The following AHNAK2 variants were observed in gnomAD, a reference collection of about 807,000 sequenced individuals.
The protein encoded by AHNAK2 is AHNAK nucleoprotein 2.
A neutral mutation model predicts 30.7 loss-of-function variants in AHNAK2; 18 were observed. The observed-to-expected ratio is 0.59, with a 90% CI of 0.41 to 0.87. The LOEUF (loss-of-function observed/expected upper bound fraction) is 0.87, where lower values mean the gene tolerates loss of function less well. Ranked by LOEUF, AHNAK2 falls within the 40% of genes least tolerant of loss-of-function variation. The pLI, the probability that AHNAK2 is intolerant of heterozygous loss-of-function variation, is 0.00. For missense variants in AHNAK2, 8,604 were observed against 7,373.0 expected, an observed-to-expected ratio of 1.17 and a Z score of -6.11; for synonymous variants, 3,590 against 3,073.8, an observed-to-expected ratio of 1.17 and a Z score of -5.56.
rs563164076 is a variant in AHNAK2 at position 104,949,245 on chromosome 14, C to T, written c.6206G>A (p.Gly2069Glu). Residue 2069 changes from glycine (G) to glutamate (E), a missense_variant, in exon 7 of 7, where the codon GGG becomes GAG. Transcript: ENST00000333244. ...GHVPEGAGLK[G>E]HLPKVEMPSL... ...GGGCATCTCCACCTTGGGCAGGTGC[C>T]CTTTGAGGCCAGCTCCCTCGGGCAC... 8 of 1,068,954 alleles carry T rather than the reference C, an allele frequency of 7.5e-6. 1 individual carries two copies. Among genetic ancestry groups the T allele is most frequent in the African/African-American group, 5.7e-5 (4 of 70,316 alleles). 66.2% of individuals were successfully genotyped at this position (1,068,954 alleles called of 1,614,324 possible). A position where few individuals can be genotyped will look rare whatever the true frequency, so the allele number is the denominator to read the frequency against.
chr14:104,954,729 C>A lies in AHNAK2; in HGVS notation c.722G>T (p.Arg241Ile). 6.2e-7 allele frequency: 1 copy of A among 1,611,204 alleles called. No homozygotes were observed. The highest frequency in any genetic ancestry group is 8.5e-7 in the Non-Finnish European group (1 of 1,178,826). Residue 241 changes from arginine to isoleucine, a missense_variant, in exon 7 of 7, where the codon AGA becomes ATA. Transcript: ENST00000333244. This position sits in a 1 kb window ranked among gnomAD's most constrained non-coding sequence, Gnocchi z 4.3. Reference sequence around the variant, plus strand: ...CCCCACCCTTGGTTTGGAGATGAGTCTCTCTTGGTCCCCATCTCCTTCCAG... The same window carrying A: ...CCCCACCCTTGGTTTGGAGATGAGTATCTCTTGGTCCCCATCTCCTTCCAG... ...KTLEGDGDQE[R>I]LISKPRVGRG...
rs1595425309 is a variant in AHNAK2 at position 104,956,815 on chromosome 14, G to A, written c.214-126C>T. 1.1e-5 allele frequency: 9 copies of A among 829,262 alleles called. No individual in the cohort carries two copies. In the East Asian group the frequency reaches 2.3e-4, roughly 21 times the overall value. 51.4% of individuals were successfully genotyped at this position (829,262 alleles called of 1,614,324 possible). ...GGCCCAGAACTTCCAACACACAGCT[G>A]TGTGCAGAGGCAGCCGAGTTCCTCC... On this transcript the variant is annotated intron_variant, in intron 3 of 6. Transcript: ENST00000333244.
chr14:104,947,513 G>A lies in AHNAK2; in HGVS notation c.7938C>T (p.Ser2646=). ...TCTTGAACTTGGGCATTTTGAACTT[G>A]CTATCTTTGGCTGTCACACCCTTGT... The part of the protein sequence containing the change: ...LADKGVTAKD[S]KFKMPKFKMP... Residue 2646 remains serine, a synonymous_variant, in exon 7 of 7, where the codon AGC becomes AGT. Transcript: ENST00000333244. 2 of 1,612,490 alleles carry A rather than the reference G, an allele frequency of 1.2e-6. No homozygotes were observed. The highest frequency in any genetic ancestry group is 1.7e-6 in the Non-Finnish European group (2 of 1,179,598).
rs776896977 is a variant in AHNAK2, at chr14:104,948,417, G to A, written c.7034C>T (p.Ala2345Val). The change falls in exon 7 of 7, where the codon GCG (alanine) becomes GTG (valine). Residue 2345 changes from alanine to valine, a missense_variant. By Grantham distance (64) the Ala-to-Val change is moderately conservative. Transcript: ENST00000333244. ...KSIEASADVSALKVEADVSLP... is the reference protein window; with the variant it reads ...KSIEASADVSVLKVEADVSLP... ...GCTCACGTCGGCCTCCACCTTCAACGCAGACACATCCGCTGAGGCCTCGAT... is the reference window on the plus strand; with the variant it reads ...GCTCACGTCGGCCTCCACCTTCAACACAGACACATCCGCTGAGGCCTCGAT... The A allele has an allele frequency of 1.2e-5, 20 of 1,610,100 alleles. 1 individual carries two copies. The South Asian group carries it at 1.4e-4, about 11-fold the overall frequency.
At position 104,948,532 on chromosome 14, in the gene AHNAK2, C is replaced by G. The variant is rs182618947; in HGVS notation, c.6919G>C (p.Ala2307Pro). 245 of 1,612,188 alleles carry G rather than the reference C, an allele frequency of 1.5e-4. 11 individuals are homozygous for G. The African/African-American group carries it at 2.6e-3, about 17-fold the overall frequency. ...GARLEGDMSL[A>P]DKDVTAKDSK... ...TCTTTGGCAGTCACGTCCTTGTCGG[C>G]CAGGGACATGTCCCCCTCCAGCCGC... The change falls in exon 7 of 7, where the codon GCC (alanine) becomes CCC (proline). Residue 2307 changes from alanine to proline, a missense_variant. Physicochemically the swap from Ala to Pro is conservative, Grantham distance 27. Transcript: ENST00000333244.
Position 104,955,136 on chromosome 14 carries a change from G to T in AHNAK2, c.472C>A (p.Gln158Lys). 6.2e-7 allele frequency: 1 copy of T among 1,606,660 alleles called. No homozygotes were observed. The change falls in exon 6 of 7, where the codon CAG (glutamine) becomes AAG (lysine). Residue 158 changes from glutamine (Q) to lysine (K), a missense_variant. Physicochemically the swap from Gln to Lys is moderately conservative, Grantham distance 53. Coordinates refer to ENST00000333244, the MANE Select transcript of AHNAK2 (RefSeq NM_138420.4). ...AAGAACACGGTTGTACTGAGCAGCTGATCCCCTAGACCAAGAAAGAGCAGC... is the reference window on the plus strand; with the variant it reads ...AAGAACACGGTTGTACTGAGCAGCTTATCCCCTAGACCAAGAAAGAGCAGC... ...AKLFNLREGD[Q>K]LLSTTVFFEN...
chr14:104,977,171 AT>A (rs1196884103), intron 1 of AHNAK2, among the ~76,000 whole-genome samples: 1 of 152,208 alleles, frequency 6.6e-6, no homozygotes, highest in East Asian at 1.9e-4. Flanking sequence ...TGTCGGCACC[AT>A]TAGCATTGAC....
At position 104,944,039 on chromosome 14, in the gene AHNAK2, T is replaced by G; in HGVS notation, c.11412A>C (p.Lys3804Asn). ...ATGACGGCATCTTGAACTTGGGCAT[T>G]TTGAATTTGCTGTCTTTGGCAGTCA... Reference protein sequence around the residue: ...KDVTAKDSKFKMPKFKMPSFG... With the variant: ...KDVTAKDSKFNMPKFKMPSFG... Residue 3804 changes from lysine (K) to asparagine (N), a missense_variant, in exon 7 of 7, where the codon AAA (lysine) becomes AAC (asparagine). Physicochemically the swap from Lys to Asn is moderately conservative, Grantham distance 94. Transcript: ENST00000333244. The G allele has an allele frequency of 1.2e-6, 2 of 1,612,636 alleles. No homozygotes were observed. Among genetic ancestry groups the G allele is most frequent in the Admixed American group, 1.7e-5 (1 of 59,892 alleles).
chr14:104,963,487 A>C (rs975275689), intron 1 of AHNAK2, among the ~76,000 whole-genome samples: 2 of 152,216 alleles, frequency 1.3e-5, no homozygotes, highest in South Asian at 2.1e-4. Flanking sequence ...TAGGGGAAAA[A>C]TTCTTAAACA....
rs1165036957 is a variant in AHNAK2 at position 104,940,731 on chromosome 14, G to C, written c.14720C>G (p.Pro4907Arg). ...SPGERVQCPLPSTQLPSPGTC... is the reference protein window; with the variant it reads ...SPGERVQCPLRSTQLPSPGTC... ...GCCTGGGGATGGCAGCTGGGTGCTT[G>C]GCAAGGGGCACTGCACTCTTTCTCC... The change falls in exon 7 of 7, where the codon CCA becomes CGA. Residue 4907 changes from proline (P) to arginine (R), a missense_variant. By Grantham distance (103) the Pro-to-Arg change is moderately radical (BLOSUM62 -2). Transcript: ENST00000333244. The surrounding 1 kb of genome is among the most constrained non-coding windows in gnomAD (Gnocchi z 4.4). 4 of 1,612,844 alleles carry C rather than the reference G, an allele frequency of 2.5e-6. No individual in the cohort carries two copies. In the African/African-American group the frequency reaches 4.0e-5, roughly 16 times the overall value.
At chr14:104,974,246 T>C (rs552278304) in intron 1 of AHNAK2, among the ~76,000 whole-genome samples, 2 of 152,330 alleles carry the variant, frequency 1.3e-5, no homozygotes, top group South Asian at 4.1e-4. Context: ...GTCCTCCTTG[T>C]GTGTCCAGTT....
rs759907664 is a variant in AHNAK2, at chr14:104,941,701, C to T, written c.13750G>A (p.Ala4584Thr). 3.2e-5 allele frequency: 51 copies of T among 1,613,324 alleles called. No homozygotes were observed. The Middle Eastern group carries it at 8.2e-4, about 26-fold the overall frequency. Residue 4584 changes from alanine (A) to threonine (T), a missense_variant, in exon 7 of 7, where the codon GCC becomes ACC. Physicochemically the swap from Ala to Thr is moderately conservative, Grantham distance 58. Coordinates refer to ENST00000333244, the MANE Select transcript of AHNAK2 (RefSeq NM_138420.4). ...GGCAGAGACACCTCCACATCGGGGG[C>T]CATCACCTCTGCCTTTGGGCCTTTC... Reference protein sequence around the residue: ...DLKGPKAEVMAPDVEVSLPSV... With the variant: ...DLKGPKAEVMTPDVEVSLPSV...
Position 104,941,481 on chromosome 14 carries a change from G to C in AHNAK2, c.13970C>G (p.Thr4657Arg), listed in dbSNP as rs768577401. 2 of 1,612,934 alleles carry C rather than the reference G, an allele frequency of 1.2e-6. No individual in the cohort carries two copies. The highest frequency in any genetic ancestry group is 1.7e-6 in the Non-Finnish European group (2 of 1,179,732). Residue 4657 changes from threonine to arginine, a missense_variant, in exon 7 of 7, where the codon ACA (threonine) becomes AGA (arginine). Physicochemically the swap from Thr to Arg is moderately conservative, Grantham distance 71. Transcript: ENST00000333244. ...MSSSEIEGNV[T>R]FHEKTSTFPI... Reference sequence around the variant, plus strand: ...AAATGTGGAAGTCTTCTCATGGAATGTAACATTTCCTTCGATTTCAGAGGA... The same window carrying C: ...AAATGTGGAAGTCTTCTCATGGAATCTAACATTTCCTTCGATTTCAGAGGA...
At position 104,938,443 on chromosome 14, in the gene AHNAK2, G is replaced by A. The variant is rs1345835054; in HGVS notation, c.17008C>T (p.Gln5670Ter). Residue 5670 changes from glutamine (Q) to a stop codon, truncating the protein, a stop_gained, in exon 7 of 7, where the codon CAG becomes TAG. Coordinates refer to ENST00000333244, the MANE Select transcript of AHNAK2 (RefSeq NM_138420.4). LOFTEE classifies it low-confidence loss of function (END_TRUNC). The part of the protein sequence containing the change: ...ETGVDSKNDV[Q>*]RSAPIQTQPE... ...TGTGTTTGAATGGGAGCAGATCTCT[G>A]GACGTCATTTTTGGAATCAACACCT... 6.2e-7 allele frequency: 1 copy of A among 1,613,850 alleles called. No homozygotes were observed. The highest frequency in any genetic ancestry group is 1.1e-5 in the South Asian group (1 of 91,062).
In AHNAK2 at chr14:104,945,575, C is replaced by G; in HGVS notation, c.9876G>C (p.Gly3292=). ...GAKLDGARLE[G]DLSLADKDVT... ...CATCCTTGTCGGCCAGGGACAGGTCCCCCTCCAGCCGTGCACCATCCAACT... is the reference window on the plus strand; with the variant it reads ...CATCCTTGTCGGCCAGGGACAGGTCGCCCTCCAGCCGTGCACCATCCAACT... Residue 3292 remains glycine (G), a synonymous_variant, in exon 7 of 7, where the codon GGG becomes GGC. Transcript: ENST00000333244. 5 of 1,600,972 alleles carry G rather than the reference C, an allele frequency of 3.1e-6. No individual in the cohort carries two copies. The highest frequency in any genetic ancestry group is 4.3e-6 in the Non-Finnish European group (5 of 1,171,934).
Position 104,948,197 on chromosome 14 carries a change from G to A in AHNAK2, c.7254C>T (p.Gly2418=), listed in dbSNP as rs752531144. Residue 2418 remains glycine (G), a synonymous_variant, in exon 7 of 7, where the codon GGC becomes GGT. Coordinates refer to ENST00000333244, the MANE Select transcript of AHNAK2 (RefSeq NM_138420.4). ...TGGGGCCCTTGACATCTATCTGGGGGCCCTTGAGATCTACTTTGGGCATCT... is the reference window on the plus strand; with the variant it reads ...TGGGGCCCTTGACATCTATCTGGGGACCCTTGAGATCTACTTTGGGCATCT... ...SFKMPKVDLK[G]PQIDVKGPKL... 2.5e-6 allele frequency: 4 copies of A among 1,612,606 alleles called. No homozygotes were observed. The highest frequency in any genetic ancestry group is 3.4e-6 in the Non-Finnish European group (4 of 1,179,564).
intron 4 of AHNAK2, among the ~76,000 whole-genome samples, chr14:104,956,277 C>T (rs1352228662): frequency 1.3e-5 from 2 of 152,178 alleles, no homozygotes; most frequent in African/African-American, 2.4e-5. Flanking sequence ...GCAACAGACA[C>T]CAGCACTGCC....
Position 104,946,320 on chromosome 14 carries a change from A to G in AHNAK2, c.9131T>C (p.Leu3044Pro). The G allele has an allele frequency of 1.9e-6, 3 of 1,611,688 alleles. No individual in the cohort carries two copies. Among genetic ancestry groups the G allele is most frequent in the Non-Finnish European group, 2.5e-6 (3 of 1,179,230 alleles). ...QLEVQAGQVDLKLPEGHVPEG... is the reference protein window; with the variant it reads ...QLEVQAGQVDPKLPEGHVPEG... ...GGGAACGTGGCCCTCTGGGAGCTTC[A>G]GGTCCACCTGGCCAGCCTGGACCTC... The change falls in exon 7 of 7, where the codon CTG becomes CCG. Residue 3044 changes from leucine to proline, a missense_variant. Coordinates refer to ENST00000333244, the MANE Select transcript of AHNAK2 (RefSeq NM_138420.4).
At position 104,952,009 on chromosome 14, in the gene AHNAK2, C is replaced by A; in HGVS notation, c.3442G>T (p.Glu1148Ter). Residue 1148 changes from glutamate (E) to a stop codon, truncating the protein, a stop_gained, in exon 7 of 7, where the codon GAA becomes TAA. Transcript: ENST00000333244. LOFTEE classifies it low-confidence loss of function (END_TRUNC). ...AKLDSARLEG[E>*]LSLADKDVTA... Reference sequence around the variant, plus strand: ...ACATCCTTGTCGGCCAGGGACAGTTCCCCCTCCAGCCGCGCACTGTCCAGC... The same window carrying A: ...ACATCCTTGTCGGCCAGGGACAGTTACCCCTCCAGCCGCGCACTGTCCAGC... 6.2e-7 allele frequency: 1 copy of A among 1,612,538 alleles called. No homozygotes were observed. Among genetic ancestry groups the A allele is most frequent in the South Asian group, 1.1e-5 (1 of 91,006 alleles).
Sources: allele counts gnomAD v4.1 joint callset (sites outside exome capture counted in the v4.1 genomes callset), GRCh38; gene constraint gnomAD v4.1.1; non-coding constraint Gnocchi (gnomAD v3.1); transcripts MANE v1.5; gene names NCBI Gene and HGNC (gene_info 2026-07-23, HGNC 2026-07-21).